Variants in HYCC2 observed in about 807,000 individuals in gnomAD.
HYCC2 encodes hyccin 2.
the HYCC2 span, among the ~76,000 whole-genome samples, chr2:201,004,016 G>GT: frequency 6.6e-6 from 1 of 151,750 alleles, no homozygotes; most frequent in Non-Finnish European, 1.5e-5. Context: ...GTTTCACCAT[G>GT]TTTTGGTCAG....
the HYCC2 span, among the ~76,000 whole-genome samples, chr2:201,017,907 T>A: frequency 6.6e-6 from 1 of 152,138 alleles, no homozygotes; most frequent in African/African-American, 2.4e-5. Context: ...GCATCCACAT[T>A]CCATTTTAAA....
the HYCC2 span, chr2:201,016,973 C>T: frequency 8.1e-6 from 13 of 1,604,300 alleles, no homozygotes; most frequent in African/African-American, 1.5e-4. Context: ...ATTTCCCAAA[C>T]TGTCATCTTC....
the HYCC2 span, chr2:201,063,788 G>A: frequency 5.0e-6 from 8 of 1,591,242 alleles, no homozygotes; most frequent in Non-Finnish European, 6.8e-6. Context: ...CAGCCGTGGT[G>A]GTGGTGGATA....
the HYCC2 span, among the ~76,000 whole-genome samples, chr2:201,069,579 C>A: frequency 0.012 from 1,731 of 142,458 alleles, 13 homozygotes; most frequent in Non-Finnish European, 0.017. Flanking sequence ...CACACACACA[C>A]ACACACACAC....
chr2:201,022,073 A>C, the HYCC2 span: 2 of 1,289,662 alleles, frequency 1.6e-6, no homozygotes, highest in Non-Finnish European at 2.0e-6. Flanking sequence ...ACTTCTTCAA[A>C]CTCACTCCAG....
At chr2:200,996,028 CT>C in the HYCC2 span, 3,349 of 115,474 alleles carry the variant, frequency 0.029, 52 homozygotes, top group African/African-American at 0.097. Context: ...TTTCTTTTTT[CT>C]TTTTTTTTTT....
At chr2:201,067,109 C>A in the HYCC2 span, 1 of 250,874 alleles carries the variant, frequency 4.0e-6, no homozygotes, top group South Asian at 5.5e-5. Context: ...CTGATCAGAC[C>A]TGATGAAGAG....
chr2:201,036,171 T>C, the HYCC2 span, among the ~76,000 whole-genome samples: 6 of 152,104 alleles, frequency 3.9e-5, no homozygotes, highest in Non-Finnish European at 5.9e-5. Context: ...TGGACACATA[T>C]ACCCTCCCAA....
At chr2:200,999,443 T>C in the HYCC2 span, among the ~76,000 whole-genome samples, 2 of 151,892 alleles carry the variant, frequency 1.3e-5, no homozygotes, top group Admixed American at 1.3e-4. Context: ...TGAAGTATAA[T>C]GGCATGATCT....
the HYCC2 span, among the ~76,000 whole-genome samples, chr2:201,005,257 C>G: frequency 1.1e-3 from 163 of 152,204 alleles, 1 homozygote; most frequent in African/African-American, 3.8e-3. Context: ...CCAATTATCA[C>G]TGGAGAGATT....
At chr2:201,017,034 CTCTG>C in the HYCC2 span, 1 of 1,614,070 alleles carries the variant, frequency 6.2e-7, no homozygotes, top group Non-Finnish European at 8.5e-7. Flanking sequence ...GCAACCATTA[CTCTG>C]TCTGTCTCGG....
At chr2:201,005,933 A>G in the HYCC2 span, among the ~76,000 whole-genome samples, 13 of 151,616 alleles carry the variant, frequency 8.6e-5, no homozygotes, top group African/African-American at 2.9e-4. Context: ...CCCCGGGTTC[A>G]AGCGATTCTC....
At chr2:201,023,811 G>A in the HYCC2 span, 19 of 563,170 alleles carry the variant, frequency 3.4e-5, no homozygotes, top group African/African-American at 2.7e-4. Context: ...ACAGAAACAC[G>A]TTATTTTGTA....
the HYCC2 span, chr2:200,992,448 C>G: frequency 1.0e-6 from 1 of 997,788 alleles, no homozygotes; most frequent in African/African-American, 1.6e-5. Context: ...CCAAGTCCTG[C>G]TATTTTGGTT....
At chr2:201,022,691 G>A in the HYCC2 span, 1 of 519,772 alleles carries the variant, frequency 1.9e-6, no homozygotes, top group Non-Finnish European at 3.3e-6. Flanking sequence ...GAAAGCCAAA[G>A]CAACTATCAG....
chr2:200,994,033 G>C, the HYCC2 span, among the ~76,000 whole-genome samples: 1 of 151,888 alleles, frequency 6.6e-6, no homozygotes, highest in African/African-American at 2.4e-5. Flanking sequence ...TGGGGAAAGG[G>C]GAATGGAAAT....
the HYCC2 span, among the ~76,000 whole-genome samples, chr2:201,060,484 T>A: frequency 6.6e-6 from 1 of 152,198 alleles, no homozygotes; most frequent in South Asian, 2.1e-4. Flanking sequence ...TCCTTTCTTC[T>A]GCCTAGAACA....
At chr2:201,069,380 T>C in the HYCC2 span, among the ~76,000 whole-genome samples, 4 of 152,190 alleles carry the variant, frequency 2.6e-5, no homozygotes, top group African/African-American at 7.2e-5. Flanking sequence ...TAAACGATCA[T>C]CTAACCACAC....
chr2:201,058,817 T>C, the HYCC2 span, among the ~76,000 whole-genome samples: 1 of 152,346 alleles, frequency 6.6e-6, no homozygotes, highest in East Asian at 1.9e-4. Context: ...TGGATAAAAA[T>C]GTTTCCAATC....
Sources: gnomAD v4.1 joint callset for allele counts (sites outside exome capture counted in the v4.1 genomes callset) on GRCh38, gnomAD v4.1.1 for gene constraint, MANE v1.5 for transcripts, NCBI Gene and HGNC (gene_info 2026-07-23, HGNC 2026-07-21) for gene names.